The following PDS5B variants were observed in gnomAD, a reference collection of about 807,000 sequenced individuals.
The protein encoded by PDS5B is PDS5 cohesin associated factor B.
In PDS5B, 51 loss-of-function variants were observed where a neutral mutation model predicts 184.1. The ratio of observed to expected loss-of-function variants is 0.28; its 90% CI spans 0.22 to 0.35. PDS5B has a LOEUF of 0.35. Among genes scored for constraint, PDS5B ranks in the 10% least tolerant of loss-of-function variants. The pLI is 1.00. For synonymous variants in PDS5B, 566 were observed against 569.2 expected (o/e 0.99, Z 0.08); for missense variants, 1,180 against 1,723.3 (o/e 0.68, Z 5.58).
chr13:32,741,266 A>G (rs1953539065), intron 22 of PDS5B, 118 bp downstream of exon 22: 2 of 601,922 alleles, frequency 3.3e-6, no homozygotes, highest in Non-Finnish European at 5.9e-6. Context: ...ATTTACATTT[A>G]TTGTATGATG....
chr13:32,617,555 G>C lies in PDS5B; in HGVS notation c.-20+30962G>C, dbSNP rs190592802. On this transcript the variant is annotated intron_variant, in intron 1 of 34. Coordinates refer to ENST00000315596, the MANE Select transcript of PDS5B (RefSeq NM_015032.4). Reference sequence around the variant, plus strand: ...TTTTACAGGTATTCAGGGCCCGTTTGATTCAGAGGAGGCTGGTCCCTGTGA... The same window carrying C: ...TTTTACAGGTATTCAGGGCCCGTTTCATTCAGAGGAGGCTGGTCCCTGTGA... Among the ~76,000 whole-genome samples, 11 of 152,296 alleles carry C rather than the reference G, an allele frequency of 7.2e-5. No homozygotes were observed. The East Asian group carries it at 1.9e-3, about 27-fold the overall frequency.
intron 1 of PDS5B, among the ~76,000 whole-genome samples, chr13:32,601,726 C>G (rs1438418660): frequency 6.6e-6 from 1 of 152,180 alleles, no homozygotes; most frequent in Non-Finnish European, 1.5e-5. Context: ...TAGGTAGGAC[C>G]AGCTCAAGTC....
intron 1 of PDS5B, among the ~76,000 whole-genome samples, chr13:32,616,613 T>A (rs1021644816): frequency 1.3e-5 from 2 of 152,188 alleles, no homozygotes; most frequent in Non-Finnish European, 2.9e-5. Context: ...ATTGTCTGAT[T>A]TCTAATCCAA....
chr13:32,694,803 A>G (rs186524956), intron 14 of PDS5B, among the ~76,000 whole-genome samples: 216 of 150,940 alleles, frequency 1.4e-3, no homozygotes, highest in African/African-American at 5.0e-3. Context: ...CATTGGATGT[A>G]TCATATTTTA....
chr13:32,586,874 C>T (rs868813085), intron 1 of PDS5B, among the ~76,000 whole-genome samples: 1,460 of 34,986 alleles, frequency 0.042, 24 homozygotes, highest in African/African-American at 0.13. Context: ...CGGGTTCTGC[C>T]GCAGCCTCTG....
At position 32,673,200 on chromosome 13, in the gene PDS5B, T is replaced by G. The variant is rs910913865; in HGVS notation, c.706-16T>G. 2.5e-6 allele frequency: 4 copies of G among 1,606,170 alleles called. No homozygotes were observed. The highest frequency in any genetic ancestry group is 1.1e-5 in the South Asian group (1 of 89,984). On this transcript the variant is annotated splice_polypyrimidine_tract_variant and intron_variant, in intron 7 of 34. Transcript: ENST00000315596. ...TGGTTTTTCTACTAATGATAGGCTT[T>G]CTTTCTCCTCAAAAGTTTTTTAATC... is the stretch of plus-strand genomic sequence containing the variant.
At chr13:32,602,475 A>AT (rs2057991975) in intron 1 of PDS5B, among the ~76,000 whole-genome samples, 1 of 151,984 alleles carries the variant, frequency 6.6e-6, no homozygotes, top group East Asian at 1.9e-4. Context: ...TATGTGCCAC[A>AT]TTTTCTTAAT....
chr13:32,707,304 T>A (rs1027548253), intron 18 of PDS5B, among the ~76,000 whole-genome samples: 8 of 152,142 alleles, frequency 5.3e-5, no homozygotes, highest in Non-Finnish European at 1.0e-4. Context: ...GCAAAGAAGG[T>A]ACAACTCTGC....
At chr13:32,589,990 T>C (rs2057749508) in intron 1 of PDS5B, among the ~76,000 whole-genome samples, 1 of 152,222 alleles carries the variant, frequency 6.6e-6, no homozygotes, top group Non-Finnish European at 1.5e-5. Context: ...ACTGTAATTG[T>C]TTTAGCTGGC....
At chr13:32,644,100 ATTTC>A (rs1311008372) in intron 1 of PDS5B, among the ~76,000 whole-genome samples, 1 of 152,110 alleles carries the variant, frequency 6.6e-6, no homozygotes, top group Non-Finnish European at 1.5e-5. Context: ...AGTAGACATC[ATTTC>A]TTTGTTTCTG....
chr13:32,592,339 C>T (rs1054638221), intron 1 of PDS5B, among the ~76,000 whole-genome samples: 3 of 151,694 alleles, frequency 2.0e-5, no homozygotes, highest in Non-Finnish European at 4.4e-5. Context: ...ACTGCAGCCT[C>T]GGCCTTGGCA....
chr13:32,768,118 A>G (rs1181524614), intron 31 of PDS5B, among the ~76,000 whole-genome samples: 1 of 152,210 alleles, frequency 6.6e-6, no homozygotes, highest in African/African-American at 2.4e-5. Flanking sequence ...TGCCATTATA[A>G]AATACCAAAT....
At chr13:32,763,644 C>G (rs1415907707) in intron 30 of PDS5B, 2 of 152,006 alleles carry the variant, frequency 1.3e-5, no homozygotes, top group Non-Finnish European at 2.9e-5. Flanking sequence ...AGGGTGTATC[C>G]TGGGCTTTTT....
chr13:32,648,656 G>C (rs745461673), intron 1 of PDS5B, 98 bp from the exon 2 acceptor site: 11 of 602,060 alleles, frequency 1.8e-5, no homozygotes, highest in Non-Finnish European at 3.0e-5. Context: ...TTAGGAGGTA[G>C]TTACAAATTT....
intron 1 of PDS5B, among the ~76,000 whole-genome samples, chr13:32,631,316 C>T (rs2058452195): frequency 6.6e-6 from 1 of 151,846 alleles, no homozygotes; most frequent in Non-Finnish European, 1.5e-5. Flanking sequence ...TGGTCTCAAA[C>T]TCCTGGGCTC....
chr13:32,735,720 T>G (rs1254417827), intron 21 of PDS5B, among the ~76,000 whole-genome samples: 1 of 152,160 alleles, frequency 6.6e-6, no homozygotes, highest in Non-Finnish European at 1.5e-5. Context: ...TTTCCCTACA[T>G]TGGGAGAGAA....
At chr13:32,614,068 T>G (rs527920601) in intron 1 of PDS5B, among the ~76,000 whole-genome samples, 23 of 152,340 alleles carry the variant, frequency 1.5e-4, no homozygotes, top group Middle Eastern at 3.4e-3. Context: ...TTCTAGGCTG[T>G]CTGTTCTGTT....
At chr13:32,634,608 G>A (rs1237146997) in intron 1 of PDS5B, among the ~76,000 whole-genome samples, 2 of 143,206 alleles carry the variant, frequency 1.4e-5, no homozygotes, top group African/African-American at 5.2e-5. Flanking sequence ...TTTGAGAACA[G>A]TGTCTTACTC....
chr13:32,730,818 A>T (rs1171165099), intron 19 of PDS5B, among the ~76,000 whole-genome samples: 1 of 152,132 alleles, frequency 6.6e-6, no homozygotes, highest in Non-Finnish European at 1.5e-5. Flanking sequence ...CTTTGTTGAA[A>T]TTGTTTCTCA....
Sources: allele counts gnomAD v4.1 joint callset (sites outside exome capture counted in the v4.1 genomes callset), GRCh38; gene constraint gnomAD v4.1.1; transcripts MANE v1.5; gene names NCBI Gene and HGNC (gene_info 2026-07-23, HGNC 2026-07-21).